Variants in GRM1 observed in about 807,000 individuals in gnomAD.
GRM1 encodes metabotropic glutamate receptor 1.
Under a neutral mutation model 90.9 loss-of-function variants are expected in GRM1, and 33 were observed. The ratio of observed to expected loss-of-function variants is 0.36; its 90% CI spans 0.28 to 0.49. The LOEUF is 0.49. Among genes scored for constraint, GRM1 ranks in the 20% least tolerant of loss-of-function variants. GRM1 has a pLI of 0.99. For missense variants in GRM1, 1,190 were observed against 1,534.3 expected (o/e 0.78, Z 3.75); for synonymous variants, 700 against 613.2 (o/e 1.14, Z -2.09).
At chr6:146,337,050 A>G (rs1583345799) in intron 3 of GRM1, among the ~76,000 whole-genome samples, 2 of 152,134 alleles carry the variant, frequency 1.3e-5, no homozygotes, top group African/African-American at 2.4e-5. Context: ...TGGTTTCAGG[A>G]AGGGCTTCCA....
chr6:146,263,738 G>A (rs1348705886), intron 2 of GRM1, among the ~76,000 whole-genome samples: 2 of 151,868 alleles, frequency 1.3e-5, no homozygotes. Flanking sequence ...ATAACAGAAT[G>A]GCTAGTTTAA....
chr6:146,232,891 T>G (rs550661261), intron 2 of GRM1, among the ~76,000 whole-genome samples: 1 of 152,172 alleles, frequency 6.6e-6, no homozygotes, highest in East Asian at 1.9e-4. Context: ...TTCATCTAAG[T>G]TGCCAGAATT....
chr6:146,147,710 C>A lies in GRM1; in HGVS notation c.701-11638C>A, dbSNP rs1777164715. Among the ~76,000 whole-genome samples the A allele has an allele frequency of 2.0e-5, 3 of 152,138 alleles. No individual in the cohort carries two copies. The South Asian group carries it at 6.2e-4, about 32-fold the overall frequency. The stretch of plus-strand genomic sequence containing the variant: ...GCCATCCTGTGCTCAAGCTGAAGTG[C>A]TTCCTTGTGTTGGAGAAGTGGTGAC... On this transcript the variant is annotated intron_variant, in intron 1 of 7. Coordinates refer to ENST00000282753, the MANE Select transcript of GRM1 (RefSeq NM_001278064.2).
chr6:146,295,941 T>C (rs1241960947), intron 2 of GRM1, among the ~76,000 whole-genome samples: 2 of 152,172 alleles, frequency 1.3e-5, no homozygotes, highest in Non-Finnish European at 2.9e-5. Context: ...TGTGTTATAA[T>C]TTAGCTCTCA....
At chr6:146,265,807 G>T (rs1781864212) in intron 2 of GRM1, among the ~76,000 whole-genome samples, 1 of 152,050 alleles carries the variant, frequency 6.6e-6, no homozygotes, top group African/African-American at 2.4e-5. Flanking sequence ...GTTTATTTTT[G>T]TCAACCATCA....
At chr6:146,071,308 G>A (rs1406042934) in intron 1 of GRM1, among the ~76,000 whole-genome samples, 1 of 152,000 alleles carries the variant, frequency 6.6e-6, no homozygotes, top group Non-Finnish European at 1.5e-5. Context: ...TGCTACCCGC[G>A]GCCTGCATAT....
chr6:146,369,044 G>A (rs907119922), intron 5 of GRM1, among the ~76,000 whole-genome samples: 10 of 151,822 alleles, frequency 6.6e-5, no homozygotes, highest in Non-Finnish European at 1.5e-4. Context: ...GTGTGTTCAG[G>A]CTTTCCATTT....
chr6:146,157,683 A>G (rs1777569285), intron 1 of GRM1, among the ~76,000 whole-genome samples: 1 of 151,752 alleles, frequency 6.6e-6, no homozygotes, highest in African/African-American at 2.4e-5. Context: ...TGTAGGAGAA[A>G]CTCCTTGAAT....
chr6:146,053,826 C>T lies in GRM1; in HGVS notation c.700+23609C>T, dbSNP rs563233204. On this transcript the variant is annotated intron_variant, in intron 1 of 7. Transcript: ENST00000282753. The stretch of plus-strand genomic sequence containing the variant: ...CAGCCAAATTTGGGACCACTATGTA[C>T]GTGATATTATTAGTATATGAATGTG... Among the ~76,000 whole-genome samples, 8 of 152,068 alleles carry T rather than the reference C, an allele frequency of 5.3e-5. No homozygotes were observed. In the East Asian group the frequency reaches 1.6e-3, roughly 30 times the overall value.
chr6:146,292,130 A>C (rs1347466782), intron 2 of GRM1, among the ~76,000 whole-genome samples: 1 of 151,968 alleles, frequency 6.6e-6, no homozygotes, highest in Non-Finnish European at 1.5e-5. Context: ...CCCTTCCCTC[A>C]CACTATATAC....
chr6:146,434,635 T>C lies in GRM1; in HGVS notation c.3424T>C (p.Ser1142Pro), dbSNP rs370368216. 29 of 1,611,368 alleles carry C rather than the reference T, an allele frequency of 1.8e-5. No individual in the cohort carries two copies. Among genetic ancestry groups the C allele is most frequent in the Non-Finnish European group, 2.3e-5 (27 of 1,180,012 alleles). The change falls in exon 8 of 8, where the codon TCG (serine) becomes CCG (proline). Residue 1142 changes from serine (S) to proline (P), a missense_variant. By Grantham distance (74) the Ser-to-Pro change is moderately conservative. Around this residue, in one of 10 missense-constraint regions of GRM1, gnomAD observed 400 missense variants for 360.8 expected, o/e 1.11. Coordinates refer to ENST00000282753, the MANE Select transcript of GRM1 (RefSeq NM_001278064.2). ...QAASKLTPDDSPALTPPSPFR... is the reference protein window; with the variant it reads ...QAASKLTPDDPPALTPPSPFR... Reference sequence around the variant, plus strand: ...GGCCAGCAAACTGACCCCGGATGATTCGCCTGCGCTGACGCCTCCGTCGCC... The same window carrying C: ...GGCCAGCAAACTGACCCCGGATGATCCGCCTGCGCTGACGCCTCCGTCGCC...
intron 2 of GRM1, among the ~76,000 whole-genome samples, chr6:146,293,029 A>G (rs1216070486): frequency 6.6e-6 from 1 of 152,030 alleles, no homozygotes; most frequent in African/African-American, 2.4e-5. Flanking sequence ...AAGTTCATGT[A>G]TTGTGTGATT....
chr6:146,342,894 G>T (rs7760995), intron 3 of GRM1, among the ~76,000 whole-genome samples: 1 of 152,058 alleles, frequency 6.6e-6, no homozygotes, highest in Non-Finnish European at 1.5e-5. Flanking sequence ...ATATTGCTAC[G>T]TAACATTTGT....
chr6:146,215,655 C>T (rs1779843887), intron 2 of GRM1, among the ~76,000 whole-genome samples: 1 of 135,928 alleles, frequency 7.4e-6, no homozygotes, highest in Admixed American at 6.9e-5. Flanking sequence ...AACATCACCA[C>T]CAAAAATCTT....
intron 2 of GRM1, among the ~76,000 whole-genome samples, chr6:146,212,759 C>A (rs1488788488): frequency 6.6e-6 from 1 of 152,112 alleles, no homozygotes; most frequent in African/African-American, 2.4e-5. Context: ...TAGCTGTATA[C>A]CCCCATTTGG....
chr6:146,214,045 C>G (rs1440273619), intron 2 of GRM1, among the ~76,000 whole-genome samples: 2 of 152,134 alleles, frequency 1.3e-5, no homozygotes, highest in Non-Finnish European at 2.9e-5. Flanking sequence ...GTCCAATTCA[C>G]CCTTTTTTCT....
At chr6:146,070,837 A>G (rs1173462621) in intron 1 of GRM1, among the ~76,000 whole-genome samples, 3 of 152,136 alleles carry the variant, frequency 2.0e-5, no homozygotes, top group Non-Finnish European at 4.4e-5. Flanking sequence ...GGACTTTACA[A>G]TAAAAATATT....
chr6:146,146,737 G>C (rs1269709687), intron 1 of GRM1, among the ~76,000 whole-genome samples: 1 of 152,144 alleles, frequency 6.6e-6, no homozygotes, highest in African/African-American at 2.4e-5. Flanking sequence ...GTGATGCCCT[G>C]TGCCAACTCT....
chr6:146,434,005 C>G lies in GRM1; in HGVS notation c.2794C>G (p.Pro932Ala). The G allele has an allele frequency of 6.2e-7, 1 of 1,614,074 alleles. No homozygotes were observed. Among genetic ancestry groups the G allele is most frequent in the Non-Finnish European group, 8.5e-7 (1 of 1,179,982 alleles). ...TACNQTAVIK[P>A]LTKSYQGSGK... Reference sequence around the variant, plus strand: ...CTGCAACCAAACAGCCGTCATCAAGCCCCTCACTAAAAGTTACCAAGGCTC... The same window carrying G: ...CTGCAACCAAACAGCCGTCATCAAGGCCCTCACTAAAAGTTACCAAGGCTC... Residue 932 changes from proline (P) to alanine (A), a missense_variant, in exon 8 of 8, where the codon CCC becomes GCC. This residue lies in a region of GRM1 where 400 missense variants were observed against 360.8 expected (regional missense o/e 1.11). Transcript: ENST00000282753.
Sources: allele counts gnomAD v4.1 joint callset (sites outside exome capture counted in the v4.1 genomes callset), GRCh38; gene constraint gnomAD v4.1.1; regional missense constraint gnomAD v4.1.1; transcripts MANE v1.5; gene names NCBI Gene and HGNC (gene_info 2026-07-23, HGNC 2026-07-21).